FYTTD1: variants seen among roughly 807,000 people sequenced by gnomAD.
FYTTD1 encodes the protein forty-two-three domain containing 1.
FYTTD1 carries 22 observed loss-of-function variants against 40.9 expected under a neutral mutation model. The ratio of observed to expected loss-of-function variants is 0.54; its 90% CI spans 0.38 to 0.77. The LOEUF (loss-of-function observed/expected upper bound fraction) is 0.77, where lower values mean the gene tolerates loss of function less well. FYTTD1 is among the 30% of genes least tolerant of loss of function. The pLI, the probability that FYTTD1 is intolerant of heterozygous loss-of-function variation, is 0.00. For synonymous variants in FYTTD1, 140 were observed against 137.9 expected, an observed-to-expected ratio of 1.01 and a Z score of -0.10; for missense variants, 351 against 392.2, an observed-to-expected ratio of 0.90 and a Z score of 0.89.
chr3:197,763,328 C>G, intron 2 of FYTTD1: 1 of 245,566 alleles, frequency 4.1e-6, no homozygotes, highest in Non-Finnish European at 8.2e-6. Context: ...GCAGGAGAAT[C>G]GCTTGAACTG....
At chr3:197,756,320 A>G in intron 1 of FYTTD1, 106 bp from the exon 2 acceptor site, 1 of 777,512 alleles carries the variant, frequency 1.3e-6, no homozygotes, top group Non-Finnish European at 2.1e-6. Context: ...AAGTGCTTTC[A>G]AAGTAGAAAA....
intron 2 of FYTTD1, among the ~76,000 whole-genome samples, chr3:197,762,994 G>A (rs1458592671): frequency 2.0e-5 from 3 of 152,130 alleles, no homozygotes; most frequent in Non-Finnish European, 4.4e-5. Flanking sequence ...CATCCTGCAC[G>A]TGTACCCCAA....
intron 4 of FYTTD1, among the ~76,000 whole-genome samples, chr3:197,771,993 C>T (rs1729734505): frequency 6.6e-6 from 1 of 151,864 alleles, no homozygotes; most frequent in Non-Finnish European, 1.5e-5. Flanking sequence ...ATTTGGGAGG[C>T]TGAGGCAGGA....
At chr3:197,765,723 G>A (rs573376646) in intron 2 of FYTTD1, among the ~76,000 whole-genome samples, 71 of 152,022 alleles carry the variant, frequency 4.7e-4, no homozygotes, top group Non-Finnish European at 8.2e-4. Context: ...TAGTCCGGGC[G>A]CAGTGGCTCA....
intron 4 of FYTTD1, among the ~76,000 whole-genome samples, chr3:197,771,548 G>A (rs547399346): frequency 4.3e-4 from 65 of 152,030 alleles, no homozygotes; most frequent in Middle Eastern, 3.4e-3. Flanking sequence ...AGGCCGAGGC[G>A]GGCGGATCAC....
chr3:197,777,182 T>C (rs981292463), intron 7 of FYTTD1, among the ~76,000 whole-genome samples, 181 bp downstream of exon 7: 1 of 152,216 alleles, frequency 6.6e-6, no homozygotes, highest in African/African-American at 2.4e-5. Context: ...CTTTCTTGAT[T>C]CCTGATTCTG....
At position 197,783,432 on chromosome 3, in the gene FYTTD1, A is replaced by T. The variant is rs1040873507; in HGVS notation, c.*1523A>T. 10 of 152,522 alleles carry T rather than the reference A, an allele frequency of 6.6e-5. No homozygotes were observed. The highest frequency in any genetic ancestry group is 1.5e-4 in the Non-Finnish European group (10 of 68,030). 9.4% of individuals were successfully genotyped at this position (152,522 alleles called of 1,614,324 possible). On this transcript the variant is annotated 3_prime_UTR_variant, in exon 9 of 9. Transcript: ENST00000241502. Reference sequence around the variant, plus strand: ...TGCTTCTTGAGTTGCTTCATGGTTTATGCTCGCCATGGAAAGCTATCAGTA... The same window carrying T: ...TGCTTCTTGAGTTGCTTCATGGTTTTTGCTCGCCATGGAAAGCTATCAGTA...
At chr3:197,780,721 T>G (rs1730007098) in intron 8 of FYTTD1, among the ~76,000 whole-genome samples, 1 of 151,886 alleles carries the variant, frequency 6.6e-6, no homozygotes, top group African/African-American at 2.4e-5. Context: ...TTTACTGTAT[T>G]TTTAGTAGAG....
At chr3:197,778,538 G>A (rs2109054935) in intron 8 of FYTTD1, 74 bp downstream of exon 8, 2 of 1,058,900 alleles carry the variant, frequency 1.9e-6, no homozygotes, top group East Asian at 5.3e-5. Context: ...TATTATAATA[G>A]TGAATTATAA....
chr3:197,750,172 C>A (rs1362497294), intron 1 of FYTTD1, 98 bp downstream of exon 1: 5 of 992,932 alleles, frequency 5.0e-6, no homozygotes, highest in Non-Finnish European at 7.1e-6. Context: ...GCAGCAGTTG[C>A]CGGCGGAGTT....
intron 1 of FYTTD1, chr3:197,755,968 C>T: frequency 1.7e-6 from 1 of 603,210 alleles, no homozygotes; most frequent in Non-Finnish European, 3.0e-6. Flanking sequence ...ATGGAGGCTT[C>T]TGTGATTATG....
intron 4 of FYTTD1, among the ~76,000 whole-genome samples, chr3:197,771,601 C>A (rs1425850793): frequency 1.3e-5 from 2 of 151,450 alleles, no homozygotes; most frequent in East Asian, 1.9e-4. Context: ...AACGGTGAAA[C>A]CCCGTCTCTA....
rs186623635 is a variant in FYTTD1, at chr3:197,751,252, C to T, written c.103+1178C>T. Among the ~76,000 whole-genome samples the T allele has an allele frequency of 5.3e-4, 81 of 152,338 alleles. 1 individual carries two copies. The South Asian group carries it at 0.012, about 22-fold the overall frequency. Reference sequence around the variant, plus strand: ...TATTGATTTCTACGATTGCCACAGTCAGAATCCAGTATGTGAACTAAGCAA... The same window carrying T: ...TATTGATTTCTACGATTGCCACAGTTAGAATCCAGTATGTGAACTAAGCAA... On this transcript the variant is annotated intron_variant, in intron 1 of 8. Coordinates refer to ENST00000241502, the MANE Select transcript of FYTTD1 (RefSeq NM_032288.7).
At chr3:197,778,587 A>G (rs1729940532) in intron 8 of FYTTD1, 123 bp downstream of exon 8, 1 of 622,384 alleles carries the variant, frequency 1.6e-6, no homozygotes, top group Non-Finnish European at 2.7e-6. Flanking sequence ...CTAGGGAACC[A>G]CTAATCTGCT....
chr3:197,771,035 C>T (rs1251732679), intron 4 of FYTTD1, among the ~76,000 whole-genome samples: 3 of 152,140 alleles, frequency 2.0e-5, no homozygotes, highest in Non-Finnish European at 2.9e-5. Flanking sequence ...TATTTTTATA[C>T]TAAATTGAAT....
At chr3:197,767,407 G>A (rs1729583220) in intron 2 of FYTTD1, among the ~76,000 whole-genome samples, 1 of 150,286 alleles carries the variant, frequency 6.7e-6, no homozygotes, top group Admixed American at 6.6e-5. Flanking sequence ...CAGAGTGCTG[G>A]GATTACAGGT....
intron 2 of FYTTD1, among the ~76,000 whole-genome samples, chr3:197,766,460 T>TGTGTGTG: frequency 6.6e-6 from 1 of 150,738 alleles, no homozygotes; most frequent in South Asian, 2.1e-4. Context: ...TGTGTGTGTG[T>TGTGTGTG]TTGAGACAGG....
In FYTTD1 at chr3:197,762,543, C is replaced by T. The variant is rs543206287; in HGVS notation, c.236-5896C>T. Among the ~76,000 whole-genome samples the T allele has an allele frequency of 2.8e-4, 42 of 149,660 alleles. No individual in the cohort carries two copies. In the South Asian group the frequency reaches 5.5e-3, roughly 20 times the overall value. The stretch of plus-strand genomic sequence containing the variant: ...GGTGGAGATTGTAGTGAGCCGAGAT[C>T]GCGTCACTGCACTCCACCCTGGGTG... On this transcript the variant is annotated intron_variant, in intron 2 of 8. Transcript: ENST00000241502.
intron 1 of FYTTD1, among the ~76,000 whole-genome samples, chr3:197,754,329 G>A (rs572611985): frequency 6.6e-5 from 10 of 152,008 alleles, no homozygotes; most frequent in South Asian, 2.1e-4. Context: ...GAACTTTTTC[G>A]TAGTTGGACA....
Sources: gnomAD v4.1 joint callset for allele counts (sites outside exome capture counted in the v4.1 genomes callset) on GRCh38, gnomAD v4.1.1 for gene constraint, MANE v1.5 for transcripts, NCBI Gene and HGNC (gene_info 2026-07-23, HGNC 2026-07-21) for gene names.